IGFL4: variants seen among roughly 807,000 people sequenced by gnomAD.
IGFL4 encodes IGF like family member 4.
IGFL4 carries 12 observed loss-of-function variants against 15.4 expected under a neutral mutation model. The observed-to-expected ratio is 0.78, with a 90% CI of 0.50 to 1.26. IGFL4 has a LOEUF of 1.26. IGFL4 is among the 50% of genes most tolerant of loss of function. IGFL4 has a pLI of 0.00. For missense variants in IGFL4, 126 were observed against 147.8 expected, an observed-to-expected ratio of 0.85 and a Z score of 0.76; for synonymous variants, 54 against 55.9, an observed-to-expected ratio of 0.97 and a Z score of 0.16.
chr19:46,064,310 C>T (rs560352556), intron 1 of IGFL4, among the ~76,000 whole-genome samples: 1 of 151,976 alleles, frequency 6.6e-6, no homozygotes, highest in Non-Finnish European at 1.5e-5. Flanking sequence ...ACAAATAATC[C>T]AATTACACTC....
chr19:46,066,402 A>T (rs745576157), intron 1 of IGFL4, among the ~76,000 whole-genome samples: 43 of 152,212 alleles, frequency 2.8e-4, no homozygotes, highest in Non-Finnish European at 5.0e-4. Flanking sequence ...CCCAGCATCC[A>T]TGAAAGCTCT....
chr19:46,071,645 T>C (rs1969547220), intron 1 of IGFL4, among the ~76,000 whole-genome samples: 1 of 152,214 alleles, frequency 6.6e-6, no homozygotes, highest in Non-Finnish European at 1.5e-5. Flanking sequence ...AATGAATTCA[T>C]AAGTTCAAGT....
rs529301883 is a variant in IGFL4, at chr19:46,064,451, T to C, written c.-431-4158A>G. On this transcript the variant is annotated intron_variant, in intron 1 of 5. Coordinates refer to the IGFL4 transcript ENST00000601672. ...CCATCCCTCCTACCCTCAATACACT[T>C]TCCCATTAACCACGCCCCCTACCCA... Among the ~76,000 whole-genome samples, 34 of 152,256 alleles carry C rather than the reference T, an allele frequency of 2.2e-4. 1 individual carries two copies. In the South Asian group the frequency reaches 3.5e-3, roughly 16 times the overall value.
chr19:46,043,715 G>A (rs1398684049), upstream of IGFL4, among the ~76,000 whole-genome samples: 1 of 152,034 alleles, frequency 6.6e-6, no homozygotes, highest in Non-Finnish European at 1.5e-5. Flanking sequence ...TCAACAAATG[G>A]TGTGGGACAA....
chr19:46,074,172 T>C (rs895307292), intron 1 of IGFL4, among the ~76,000 whole-genome samples: 8 of 151,172 alleles, frequency 5.3e-5, no homozygotes, highest in African/African-American at 1.9e-4. Context: ...GCTAGGGGGG[T>C]CTTAGTTCCT....
chr19:46,065,396 A>T (rs1329360896), intron 1 of IGFL4, among the ~76,000 whole-genome samples: 1 of 152,176 alleles, frequency 6.6e-6, no homozygotes, highest in Admixed American at 6.5e-5. Flanking sequence ...GATCTCACTC[A>T]CTGCAACCTC....
At chr19:46,067,743 G>A (rs1378456425) in intron 1 of IGFL4, among the ~76,000 whole-genome samples, 2 of 152,134 alleles carry the variant, frequency 1.3e-5, no homozygotes, top group Admixed American at 6.5e-5. Flanking sequence ...CAGGTTGGCA[G>A]CCAGGTTTGT....
rs377263686 is a variant in IGFL4, at chr19:46,052,994, C to T, written c.-323+7191G>A. ...AAAAAAAAAAAAAAAGCAGGAGGAA[C>T]CCTCGGTGGAAAGTATGCATAGACA... On this transcript the variant is annotated intron_variant, in intron 2 of 5. Transcript: ENST00000601672. 3.4e-5 allele frequency among the ~76,000 whole-genome samples: 5 copies of T among 146,690 alleles called. No homozygotes were observed. The East Asian group carries it at 9.9e-4, about 29-fold the overall frequency.
chr19:46,039,868 G>A lies in IGFL4; in HGVS notation c.*24C>T, dbSNP rs1354884107. On this transcript the variant is annotated 3_prime_UTR_variant, in exon 4 of 4. Coordinates refer to ENST00000377697, the MANE Select transcript of IGFL4 (RefSeq NM_001002923.3). ...CAAGTATTAGATTCTAGAGTGATCT[G>A]TGACTCTGCTACCCCAGAACAGTCT... is the stretch of plus-strand genomic sequence containing the variant. 1 of 1,583,586 alleles carries A rather than the reference G, an allele frequency of 6.3e-7. No homozygotes were observed. The highest frequency in any genetic ancestry group is 2.2e-5 in the East Asian group (1 of 44,726).
At chr19:46,058,558 T>C (rs1042142230) in intron 2 of IGFL4, 2 of 152,204 alleles carry the variant, frequency 1.3e-5, no homozygotes, top group Non-Finnish European at 2.9e-5. Flanking sequence ...GTGTGGGGTT[T>C]CAAGCCCACA....
chr19:46,047,344 A>G (rs1258296961), intron 2 of IGFL4, among the ~76,000 whole-genome samples: 1 of 152,210 alleles, frequency 6.6e-6, no homozygotes, highest in East Asian at 1.9e-4. Flanking sequence ...TAAAAGAACT[A>G]GAGAACCAAG....
chr19:46,045,531 A>G (rs1335652012), upstream of IGFL4, among the ~76,000 whole-genome samples: 1 of 152,070 alleles, frequency 6.6e-6, no homozygotes, highest in African/African-American at 2.4e-5. Context: ...GCTAAGAATC[A>G]TGATAAATTA....
intron 1 of IGFL4, among the ~76,000 whole-genome samples, chr19:46,067,067 A>G (rs906786691): frequency 1.3e-5 from 2 of 152,102 alleles, no homozygotes; most frequent in Non-Finnish European, 1.5e-5. Flanking sequence ...AACCTCCCAG[A>G]GGCTCACAGG....
chr19:46,058,730 A>G (rs4802287), intron 2 of IGFL4: 79,838 of 152,088 alleles, frequency 0.52, 21,360 homozygotes, highest in Non-Finnish European at 0.55. Flanking sequence ...GCTCAACACC[A>G]TGTGGATGCT....
chr19:46,050,674 T>C (rs775687934), intron 2 of IGFL4, among the ~76,000 whole-genome samples: 6 of 152,174 alleles, frequency 3.9e-5, no homozygotes, highest in Non-Finnish European at 7.4e-5. Flanking sequence ...GGGATTATAT[T>C]AAACGTCCCA....
chr19:46,072,864 G>T (rs1003946187), intron 1 of IGFL4, among the ~76,000 whole-genome samples: 2 of 152,168 alleles, frequency 1.3e-5, no homozygotes, highest in African/African-American at 4.8e-5. Context: ...ATGGTTCAGA[G>T]CGGGGGCTCT....
At chr19:46,044,702 T>G (rs1026437533), upstream of IGFL4, among the ~76,000 whole-genome samples, 2 of 152,136 alleles carry the variant, frequency 1.3e-5, no homozygotes, top group African/African-American at 4.8e-5. Context: ...GGGTGAGACC[T>G]CCTAACAAGG....
chr19:46,041,272 C>T (rs112633845), upstream of IGFL4, among the ~76,000 whole-genome samples: 3 of 152,108 alleles, frequency 2.0e-5, no homozygotes, highest in Admixed American at 1.3e-4. Flanking sequence ...TGAACACCGC[C>T]CAAGGGAAAA....
intron 2 of IGFL4, among the ~76,000 whole-genome samples, chr19:46,055,772 C>A (rs1373954085): frequency 6.6e-6 from 1 of 151,830 alleles, no homozygotes; most frequent in Non-Finnish European, 1.5e-5. Flanking sequence ...TTTGTGAGAG[C>A]TCAGTTTAAT....
Sources: gnomAD v4.1 joint callset for allele counts (sites outside exome capture counted in the v4.1 genomes callset) on GRCh38, gnomAD v4.1.1 for gene constraint, MANE v1.5 for transcripts, NCBI Gene and HGNC (gene_info 2026-07-23, HGNC 2026-07-21) for gene names.